Variants in CACNA1S observed in about 807,000 individuals in gnomAD.
The protein encoded by CACNA1S is calcium voltage-gated channel subunit alpha1 S.
Under a neutral mutation model 207.4 loss-of-function variants are expected in CACNA1S, and 126 were observed. The ratio of observed to expected loss-of-function variants is 0.61; its 90% CI spans 0.53 to 0.70. CACNA1S has a LOEUF of 0.70. Ranked by LOEUF, CACNA1S falls within the 30% of genes least tolerant of loss-of-function variation. The pLI is 0.00. For synonymous variants in CACNA1S, 960 were observed against 932.7 expected (o/e 1.03, Z -0.53); for missense variants, 2,349 against 2,422.8 (o/e 0.97, Z 0.64).
rs1363704431 is a variant in CACNA1S at position 201,112,411 on chromosome 1, CCCCGCCTTGGG to C, written c.-83_-73del. On this transcript the variant is annotated 5_prime_UTR_variant, in exon 1 of 44. Coordinates refer to ENST00000362061, the MANE Select transcript of CACNA1S (RefSeq NM_000069.3). ...TTTCCCTTCCCTGTGTCCCCAATGC[CCCCGCCTTGGG>C]GACTAGGCTGGCTGAGGCTGTCGGC... The C allele has an allele frequency of 3.2e-5, 51 of 1,609,232 alleles. No homozygotes were observed. Among genetic ancestry groups the C allele is most frequent in the Non-Finnish European group, 4.3e-5 (51 of 1,179,638 alleles).
In CACNA1S at chr1:201,093,253, C is replaced by T. The variant is rs562247676; in HGVS notation, c.398+629G>A. On this transcript the variant is annotated intron_variant, in intron 3 of 43. Transcript: ENST00000362061. ...AAACGAAGTTGTTAGGGTGGGCCCT[C>T]ATCCAATTTGACTGGTGTCCTTATA... 3.9e-5 allele frequency among the ~76,000 whole-genome samples: 6 copies of T among 152,282 alleles called. No individual in the cohort carries two copies. In the South Asian group the frequency reaches 1.0e-3, roughly 26 times the overall value.
chr1:201,046,653 C>T (rs774434871), intron 38 of CACNA1S, among the ~76,000 whole-genome samples: 10 of 152,022 alleles, frequency 6.6e-5, no homozygotes, highest in African/African-American at 1.7e-4. Context: ...GTGATTCTCA[C>T]GCCTCAGCCT....
chr1:201,083,129 C>T, intron 10 of CACNA1S, 33 bp downstream of exon 10: 2 of 1,612,428 alleles, frequency 1.2e-6, no homozygotes, highest in Non-Finnish European at 1.7e-6. Context: ...GCCACATGTG[C>T]CCTCCTCCCG....
intron 16 of CACNA1S, 84 bp from the exon 17 acceptor site, chr1:201,070,488 GC>G (rs993033422): frequency 2.8e-5 from 45 of 1,584,364 alleles, no homozygotes; most frequent in Non-Finnish European, 2.6e-6. Context: ...CCTCCTAGGA[GC>G]CCCTGCAGCC....
chr1:201,043,640 A>C, intron 39 of CACNA1S, 109 bp from the exon 40 acceptor site: 1 of 1,008,372 alleles, frequency 9.9e-7, no homozygotes, highest in Non-Finnish European at 1.5e-6. Flanking sequence ...TGGGAGACAA[A>C]TCTTATAAGG....
chr1:201,094,587 C>T lies in CACNA1S; in HGVS notation c.259-566G>A, dbSNP rs142561704. On this transcript the variant is annotated intron_variant, in intron 2 of 43. Transcript: ENST00000362061. ...CATGCAGGGGATGGATGGTAGGAGA[C>T]GGGGGTGGATTACTCAGAACTCCAG... is the stretch of plus-strand genomic sequence containing the variant. Among the ~76,000 whole-genome samples the T allele has an allele frequency of 2.1e-3, 325 of 152,140 alleles. 1 individual carries two copies. The highest frequency in any genetic ancestry group is 6.4e-3 in the African/African-American group (267 of 41,528).
At chr1:201,096,997 A>G (rs74136316) in intron 2 of CACNA1S, among the ~76,000 whole-genome samples, 1,726 of 152,074 alleles carry the variant, frequency 0.011, 35 homozygotes, top group African/African-American at 0.039. Flanking sequence ...GCTCTTTTTC[A>G]TGTGTCGCTG....
Position 201,066,109 on chromosome 1 carries a change from A to G in CACNA1S, c.2745+120T>C. The G allele has an allele frequency of 1.9e-6, 2 of 1,040,006 alleles. No homozygotes were observed. The highest frequency in any genetic ancestry group is 1.3e-5 in the South Asian group (1 of 77,028). The allele number at this position is 1,040,006 out of a possible 1,614,324, so 64.4% of individuals were successfully genotyped here. On this transcript the variant is annotated intron_variant, in intron 21 of 43. Transcript: ENST00000362061. This position sits in a 1 kb window ranked among gnomAD's most constrained non-coding sequence, Gnocchi z 4.3. ...CTACCCCAGCCTCATCCTTACCCCTATCTGCCCAGGGAGATGGGACAGGGG... is the reference window on the plus strand; with the variant it reads ...CTACCCCAGCCTCATCCTTACCCCTGTCTGCCCAGGGAGATGGGACAGGGG...
intron 3 of CACNA1S, 135 bp from the exon 4 acceptor site, chr1:201,092,249 A>G: frequency 2.4e-6 from 2 of 819,166 alleles, no homozygotes; most frequent in Non-Finnish European, 4.1e-6. Context: ...ATACGGGTGC[A>G]TCAACTAACA....
chr1:201,072,558 C>T (rs1211364402), intron 16 of CACNA1S, among the ~76,000 whole-genome samples, 197 bp downstream of exon 16: 1 of 152,142 alleles, frequency 6.6e-6, no homozygotes, highest in East Asian at 1.9e-4. Flanking sequence ...ATGGGTTTTT[C>T]TGTTGTGTGC....
At chr1:201,095,913 G>A (rs1662408440) in intron 2 of CACNA1S, among the ~76,000 whole-genome samples, 1 of 152,194 alleles carries the variant, frequency 6.6e-6, no homozygotes, top group Admixed American at 6.5e-5. Flanking sequence ...TGTAGGACAG[G>A]TTTCCTGGGA....
chr1:201,091,396 G>GTA (rs574843152), intron 5 of CACNA1S, among the ~76,000 whole-genome samples: 1 of 137,428 alleles, frequency 7.3e-6, no homozygotes, highest in African/African-American at 2.7e-5. Flanking sequence ...TGTATGTGGG[G>GTA]CAGGGGGGTG....
chr1:201,051,081 TCACA>T lies in CACNA1S; in HGVS notation c.4012_4015del (p.Cys1338ThrfsTer85). 5 of 1,614,208 alleles carry T rather than the reference TCACA, an allele frequency of 3.1e-6. No individual in the cohort carries two copies. Among genetic ancestry groups the T allele is most frequent in the Non-Finnish European group, 4.2e-6 (5 of 1,180,006 alleles). ...CCCTGGGGCATAGTCCGACTCTGGGTCACACAGCTTCCCATAGCTGCAGGCCAGT... is the reference window on the plus strand; with the variant it reads ...CCCTGGGGCATAGTCCGACTCTGGGTCAGCTTCCCATAGCTGCAGGCCAGT... On this transcript the variant is annotated frameshift_variant, in exon 33 of 44. Coordinates refer to ENST00000362061, the MANE Select transcript of CACNA1S (RefSeq NM_000069.3). LOFTEE classifies it high-confidence loss of function.
chr1:201,063,182 T>A (rs866407046), intron 22 of CACNA1S, among the ~76,000 whole-genome samples: 4 of 152,212 alleles, frequency 2.6e-5, no homozygotes, highest in Non-Finnish European at 4.4e-5. Flanking sequence ...GAATTTTTTT[T>A]AAATTATACT....
rs775390112 is a variant in CACNA1S at position 201,060,689 on chromosome 1, A to G, written c.3383T>C (p.Ile1128Thr). 2 of 1,614,192 alleles carry G rather than the reference A, an allele frequency of 1.2e-6. No individual in the cohort carries two copies. Among genetic ancestry groups the G allele is most frequent in the Non-Finnish European group, 1.7e-6 (2 of 1,180,040 alleles). Residue 1128 changes from isoleucine (I) to threonine (T), a missense_variant, in exon 26 of 44, where the codon ATC becomes ACC. By Grantham distance (89) the Ile-to-Thr change is moderately conservative (BLOSUM62 -1). Transcript: ENST00000362061. Reference protein sequence around the residue: ...SYFEYLMFALIMLNTICLGMQ... With the variant: ...SYFEYLMFALTMLNTICLGMQ... The stretch of plus-strand genomic sequence containing the variant: ...GCCGAGGCAGATGGTGTTGAGCATG[A>G]TGAGGGCAAACATCAGGTATTCAAA...
intron 2 of CACNA1S, among the ~76,000 whole-genome samples, chr1:201,103,859 G>A (rs1197653481): frequency 3.3e-5 from 5 of 152,212 alleles, no homozygotes; most frequent in Admixed American, 2.6e-4. Flanking sequence ...GCCTCGTGGA[G>A]GACGCTGCAG....
chr1:201,062,414 A>G (rs541508207), intron 23 of CACNA1S, 48 bp downstream of exon 23: 10 of 1,565,300 alleles, frequency 6.4e-6, no homozygotes, highest in South Asian at 5.6e-5. Flanking sequence ...CTGTCCCACC[A>G]TGCTCCCTGC....
intron 2 of CACNA1S, among the ~76,000 whole-genome samples, chr1:201,100,798 C>G (rs577768820): frequency 6.6e-6 from 1 of 151,680 alleles, no homozygotes; most frequent in African/African-American, 2.4e-5. Flanking sequence ...CTTATGAGCC[C>G]GGCCCTATTC....
chr1:201,091,815 G>A, intron 4 of CACNA1S, 23 bp from the exon 5 acceptor site: 2 of 1,609,292 alleles, frequency 1.2e-6, no homozygotes, highest in Non-Finnish European at 1.7e-6. Context: ...GCAGGGAAGG[G>A]AAAAGAGGAG....
Sources: allele counts gnomAD v4.1 joint callset (sites outside exome capture counted in the v4.1 genomes callset), GRCh38; gene constraint gnomAD v4.1.1; non-coding constraint Gnocchi (gnomAD v3.1); transcripts MANE v1.5; gene names NCBI Gene and HGNC (gene_info 2026-07-23, HGNC 2026-07-21).